Variants in RYR3 observed in about 807,000 individuals in gnomAD.
RYR3 encodes ryanodine receptor 3, also known as brain ryanodine receptor-calcium release channel.
A neutral mutation model predicts 584.3 loss-of-function variants in RYR3; 207 were observed. The ratio of observed to expected loss-of-function variants is 0.35; its 90% CI spans 0.32 to 0.40. The LOEUF is 0.40. RYR3 is among the 10% of genes least tolerant of loss of function. The pLI is 1.00. For synonymous variants in RYR3, 2,416 were observed against 2,248.5 expected (o/e 1.07, Z -2.11); for missense variants, 5,616 against 6,089.2 (o/e 0.92, Z 2.59).
At chr15:33,577,292 A>G in intron 12 of RYR3, among the ~76,000 whole-genome samples, 1 of 152,228 alleles carries the variant, frequency 6.6e-6, no homozygotes, top group East Asian at 1.9e-4. Flanking sequence ...GGAACCAGAA[A>G]AGAACCCATA....
chr15:33,843,536 G>T lies in RYR3; in HGVS notation c.13258G>T (p.Val4420Leu). The change falls in exon 92 of 104, where the codon GTA (valine) becomes TTA (leucine). Residue 4420 changes from valine (V) to leucine (L), a missense_variant. By Grantham distance (32) the Val-to-Leu change is conservative. Coordinates refer to ENST00000634891, the MANE Select transcript of RYR3 (RefSeq NM_001036.6). ...FYNLRFLALF[V>L]AFAINFILLF... ...CAACCTGAGGTTCCTTGCTCTGTTT[G>T]TAGCCTTCGCTATCAACTTCATCCT... 1 of 1,602,568 alleles carries T rather than the reference G, an allele frequency of 6.2e-7. No individual in the cohort carries two copies. The highest frequency in any genetic ancestry group is 8.5e-7 in the Non-Finnish European group (1 of 1,174,070).
intron 60 of RYR3, among the ~76,000 whole-genome samples, chr15:33,759,524 A>G (rs1216927000): frequency 2.0e-5 from 3 of 152,224 alleles, no homozygotes; most frequent in South Asian, 4.1e-4. Flanking sequence ...ATCCAAATCA[A>G]TCTAGCGGAA....
intron 1 of RYR3, among the ~76,000 whole-genome samples, chr15:33,312,273 A>G (rs1348601974): frequency 1.3e-5 from 2 of 152,096 alleles, no homozygotes; most frequent in East Asian, 3.9e-4. Context: ...CCTCTTGTCC[A>G]TCTTTTGAAC....
At chr15:33,362,793 A>T (rs940398513) in intron 1 of RYR3, among the ~76,000 whole-genome samples, 1 of 152,208 alleles carries the variant, frequency 6.6e-6, no homozygotes, top group African/African-American at 2.4e-5. Flanking sequence ...AGAGCAAAAC[A>T]CAAGAGTCAT....
At position 33,697,910 on chromosome 15, in the gene RYR3, C is replaced by T. The variant is rs763762891; in HGVS notation, c.6163C>T (p.Gln2055Ter). ...CATAATGAACAACAAGGTGTTTTAC[C>T]AGCATCCCAACCTCATGAGAGTCCT... ...GDIMNNKVFY[Q>*]HPNLMRVLGM... Residue 2055 changes from glutamine to a stop codon, truncating the protein, a stop_gained, in exon 40 of 104, where the codon CAG (glutamine) becomes TAG (stop). Transcript: ENST00000634891. LOFTEE classifies it high-confidence loss of function. 2.5e-6 allele frequency: 4 copies of T among 1,613,062 alleles called. No individual in the cohort carries two copies.
rs114277022 is a variant in RYR3 at position 33,653,887 on chromosome 15, T to C, written c.4308+1004T>C. On this transcript the variant is annotated intron_variant, in intron 32 of 103. Coordinates refer to ENST00000634891, the MANE Select transcript of RYR3 (RefSeq NM_001036.6). ...TCTTGAAGTTTTATAATGAAGGTTA[T>C]TAGCACACTGAAATATTTGAGAAAT... Among the ~76,000 whole-genome samples the C allele has an allele frequency of 8.1e-3, 1,235 of 152,278 alleles. 18 individuals are homozygous for C. The highest frequency in any genetic ancestry group is 0.027 in the African/African-American group (1,119 of 41,538).
chr15:33,841,900 AGAG>A lies in RYR3; in HGVS notation c.13078_13080del (p.Glu4360del), dbSNP rs773844003. 1.3e-6 allele frequency: 2 copies of A among 1,596,504 alleles called. No individual in the cohort carries two copies. The highest frequency in any genetic ancestry group is 3.5e-5 in the Admixed American group (2 of 57,406). On this transcript the variant is annotated inframe_deletion, in exon 91 of 104. Coordinates refer to ENST00000634891, the MANE Select transcript of RYR3 (RefSeq NM_001036.6). ...GAGAGAAGGAAGACAAAGACAAAGA[AGAG>A]GAGCAAGCTGAGTACCTGTGGACAG...
At chr15:33,348,769 C>A (rs137879087) in intron 1 of RYR3, among the ~76,000 whole-genome samples, 6,597 of 151,516 alleles carry the variant, frequency 0.044, 219 homozygotes, top group Middle Eastern at 0.12. Context: ...AGCCACTGCG[C>A]CTGGCCTAAT....
chr15:33,590,084 G>A (rs188525943), intron 16 of RYR3, among the ~76,000 whole-genome samples: 4 of 152,296 alleles, frequency 2.6e-5, no homozygotes, highest in Non-Finnish European at 4.4e-5. Context: ...GTTCTCTTGT[G>A]GGCAGGGGCG....
intron 1 of RYR3, among the ~76,000 whole-genome samples, chr15:33,389,336 T>A (rs935419411): frequency 6.6e-6 from 1 of 152,128 alleles, no homozygotes; most frequent in African/African-American, 2.4e-5. Context: ...CTAAAATCAA[T>A]ACATTAAGAA....
chr15:33,422,344 G>C (rs531294295), intron 1 of RYR3, among the ~76,000 whole-genome samples: 1 of 152,138 alleles, frequency 6.6e-6, no homozygotes, highest in Non-Finnish European at 1.5e-5. Context: ...GCTGGGCTTA[G>C]TCTCTTGCTC....
chr15:33,511,298 G>C (rs1023738419), intron 3 of RYR3, among the ~76,000 whole-genome samples: 6 of 142,236 alleles, frequency 4.2e-5, no homozygotes, highest in Non-Finnish European at 9.0e-5. Context: ...ATATTTACCA[G>C]GTAGGAAATC....
chr15:33,371,531 T>G (rs977648021), intron 1 of RYR3, among the ~76,000 whole-genome samples: 1 of 152,324 alleles, frequency 6.6e-6, no homozygotes, highest in Admixed American at 6.5e-5. Flanking sequence ...ATGCTAGGTA[T>G]GGATGAATGT....
At chr15:33,356,154 A>G (rs1167221437) in intron 1 of RYR3, among the ~76,000 whole-genome samples, 1 of 152,092 alleles carries the variant, frequency 6.6e-6, no homozygotes, top group Non-Finnish European at 1.5e-5. Flanking sequence ...TTTGGAAAGG[A>G]ATTTTGGAGT....
intron 1 of RYR3, among the ~76,000 whole-genome samples, chr15:33,320,117 T>G (rs1431459155): frequency 2.0e-5 from 3 of 152,178 alleles, no homozygotes; most frequent in Non-Finnish European, 4.4e-5. Flanking sequence ...AAATAAGCAC[T>G]CCAAATCTGT....
At chr15:33,496,184 G>A (rs2051404161) in intron 2 of RYR3, among the ~76,000 whole-genome samples, 1 of 152,188 alleles carries the variant, frequency 6.6e-6, no homozygotes, top group South Asian at 2.1e-4. Context: ...AACCATCATA[G>A]GGAGATGGCA....
chr15:33,793,811 T>C (rs372839906), intron 67 of RYR3, among the ~76,000 whole-genome samples: 2 of 151,430 alleles, frequency 1.3e-5, no homozygotes, highest in South Asian at 4.2e-4. Flanking sequence ...CATTTTAGCA[T>C]TATTTTATAA....
chr15:33,522,336 G>T (rs888753931), intron 3 of RYR3, among the ~76,000 whole-genome samples: 1 of 152,128 alleles, frequency 6.6e-6, no homozygotes, highest in Non-Finnish European at 1.5e-5. Context: ...AGATGCCAGG[G>T]GTGTCGCCCC....
intron 1 of RYR3, among the ~76,000 whole-genome samples, chr15:33,336,456 GAGAGAGAGAGAGAGAGAGAGAGAGA>G (rs1567046482): frequency 0.01 from 162 of 15,610 alleles, 1 homozygote; most frequent in African/African-American, 0.017. Context: ...GAGAGAGAGA[GAGAGAGAGAGAGAGAGAGAGAGAGA>G]GAGAGAAAGA....
Sources: gnomAD v4.1 joint callset for allele counts (sites outside exome capture counted in the v4.1 genomes callset) on GRCh38, gnomAD v4.1.1 for gene constraint, MANE v1.5 for transcripts, NCBI Gene and HGNC (gene_info 2026-07-23, HGNC 2026-07-21) for gene names.